Variants in LRMDA observed in about 807,000 individuals in gnomAD.
The protein encoded by LRMDA is leucine rich melanocyte differentiation associated, also known as leucine-rich melanocyte differentiation-associated protein.
LRMDA carries 18 observed loss-of-function variants against 29.8 expected under a neutral mutation model. That is an observed-to-expected ratio of 0.60 (90% CI 0.42 to 0.90). LRMDA has a LOEUF of 0.90. Among genes scored for constraint, LRMDA ranks in the 40% least tolerant of loss-of-function variants. The probability of loss-of-function intolerance (pLI) is 0.00; values close to 1 mark genes in which losing one functional copy is unlikely to be tolerated. For synonymous variants in LRMDA, 125 were observed against 109.4 expected (o/e 1.14, Z -0.89); for missense variants, 273 against 273.9 (o/e 1.00, Z 0.02).
chr10:76,042,342 G>A (rs1848354913), intron 3 of LRMDA, among the ~76,000 whole-genome samples: 1 of 152,180 alleles, frequency 6.6e-6, no homozygotes, highest in Non-Finnish European at 1.5e-5. Context: ...AAAGCAGGCA[G>A]GCTCTTAGAA....
At chr10:75,803,019 A>G (rs1321496957) in intron 2 of LRMDA, among the ~76,000 whole-genome samples, 3 of 132,034 alleles carry the variant, frequency 2.3e-5, no homozygotes, top group African/African-American at 8.8e-5. Context: ...TCTCTCTTTC[A>G]CTCTCTCCTT....
At chr10:75,618,520 T>C (rs1180079828) in intron 2 of LRMDA, among the ~76,000 whole-genome samples, 1 of 146,880 alleles carries the variant, frequency 6.8e-6, no homozygotes, top group African/African-American at 2.5e-5. Context: ...ATTATATATA[T>C]ATATATATAT....
Position 75,728,663 on chromosome 10 carries a change from A to G in LRMDA, c.131+290169A>G, listed in dbSNP as rs139792180. On this transcript the variant is annotated intron_variant, in intron 2 of 6. Coordinates refer to ENST00000611255, the MANE Select transcript of LRMDA (RefSeq NM_001305581.2). ...GAGACGGAGCACTGGGGAGGAGGCA[A>G]TGTGATGGGAACCATGAACTCGATC... Among the ~76,000 whole-genome samples the G allele has an allele frequency of 5.3e-3, 805 of 152,256 alleles. 8 individuals carry two copies. Among genetic ancestry groups the G allele is most frequent in the African/African-American group, 0.018 (760 of 41,562 alleles).
At chr10:76,358,532 C>T (rs930118757) in intron 6 of LRMDA, among the ~76,000 whole-genome samples, 1 of 152,132 alleles carries the variant, frequency 6.6e-6, no homozygotes, top group African/African-American at 2.4e-5. Flanking sequence ...TGGGAGAGAG[C>T]ATGGGCCTCC....
chr10:76,301,160 T>G (rs770140999), intron 5 of LRMDA, among the ~76,000 whole-genome samples: 109 of 152,352 alleles, frequency 7.2e-4, no homozygotes, highest in Non-Finnish European at 4.0e-4. Context: ...ATACAAAGTA[T>G]TTTTGAGGTC....
rs115010166 is a variant in LRMDA, at chr10:75,868,995, G to A, written c.132-167013G>A. 4.6e-3 allele frequency among the ~76,000 whole-genome samples: 707 copies of A among 152,312 alleles called. 10 individuals carry two copies. The highest frequency in any genetic ancestry group is 0.016 in the African/African-American group (678 of 41,566). ...GGCAAATAATGGAGGTCACAGGTAA[G>A]GCAAGCAGGATGTCTTCTGGCCAAG... On this transcript the variant is annotated intron_variant, in intron 2 of 6. Transcript: ENST00000611255.
intron 6 of LRMDA, among the ~76,000 whole-genome samples, chr10:76,424,421 C>G (rs550918574): frequency 2.0e-5 from 3 of 152,244 alleles, no homozygotes; most frequent in African/African-American, 7.2e-5. Context: ...CACCTGTAGT[C>G]CCAGCTACTT....
intron 6 of LRMDA, among the ~76,000 whole-genome samples, chr10:76,401,644 G>A (rs972951095): frequency 1.3e-5 from 2 of 152,090 alleles, no homozygotes; most frequent in African/African-American, 4.8e-5. Flanking sequence ...GTTGGGGTTG[G>A]GTACACATGC....
chr10:76,110,240 T>G (rs1186096099), intron 5 of LRMDA, among the ~76,000 whole-genome samples: 2 of 152,222 alleles, frequency 1.3e-5, no homozygotes, highest in Non-Finnish European at 2.9e-5. Context: ...TTCCACATTC[T>G]ACCTGCCACA....
At chr10:75,750,242 T>TG (rs1335848465) in intron 2 of LRMDA, among the ~76,000 whole-genome samples, 1 of 144,360 alleles carries the variant, frequency 6.9e-6, no homozygotes. Flanking sequence ...ACAGGGCGGC[T>TG]GCCGGGCGGG....
chr10:76,166,754 A>G (rs1187207503), intron 5 of LRMDA, among the ~76,000 whole-genome samples: 3 of 152,078 alleles, frequency 2.0e-5, no homozygotes, highest in African/African-American at 4.8e-5. Context: ...TGTCTTTGCT[A>G]TTGTGAATAG....
At position 76,271,304 on chromosome 10, in the gene LRMDA, A is replaced by C. The variant is rs1840065510; in HGVS notation, c.517-53097A>C. Reference sequence around the variant, plus strand: ...GCACCTGTAATCCCAGCTACTTGGGAGGCTGAGGTGGGAGGATCACTTGAG... The same window carrying C: ...GCACCTGTAATCCCAGCTACTTGGGCGGCTGAGGTGGGAGGATCACTTGAG... On this transcript the variant is annotated intron_variant, in intron 5 of 6. Coordinates refer to ENST00000611255, the MANE Select transcript of LRMDA (RefSeq NM_001305581.2). Among the ~76,000 whole-genome samples, 5 of 152,092 alleles carry C rather than the reference A, an allele frequency of 3.3e-5. No individual in the cohort carries two copies. The South Asian group carries it at 8.3e-4, about 25-fold the overall frequency.
chr10:75,811,180 G>T (rs1326822638), intron 2 of LRMDA, among the ~76,000 whole-genome samples: 2 of 152,100 alleles, frequency 1.3e-5, no homozygotes, highest in Non-Finnish European at 1.5e-5. Context: ...CTTGAAAGAG[G>T]TCCCAAGGCC....
At chr10:75,725,635 G>T (rs1299678015) in intron 2 of LRMDA, among the ~76,000 whole-genome samples, 1 of 152,330 alleles carries the variant, frequency 6.6e-6, no homozygotes, top group East Asian at 1.9e-4. Context: ...GCTTTCAGGG[G>T]AGGTAATGGC....
chr10:76,325,759 A>T (rs558817615), intron 6 of LRMDA, among the ~76,000 whole-genome samples: 3 of 152,344 alleles, frequency 2.0e-5, no homozygotes, highest in Non-Finnish European at 4.4e-5. Context: ...TGTAAAGTTT[A>T]TCTGGCCCTG....
At chr10:76,384,638 C>T (rs1841638548) in intron 6 of LRMDA, among the ~76,000 whole-genome samples, 1 of 152,138 alleles carries the variant, frequency 6.6e-6, no homozygotes, top group Non-Finnish European at 1.5e-5. Flanking sequence ...ACTTTCCGTC[C>T]CAGGAAGGTT....
chr10:75,687,376 G>C lies in LRMDA; in HGVS notation c.131+248882G>C, dbSNP rs1842096133. 3.3e-5 allele frequency among the ~76,000 whole-genome samples: 5 copies of C among 152,274 alleles called. No individual in the cohort carries two copies. The South Asian group carries it at 1.0e-3, about 32-fold the overall frequency. ...GAAACAGCCTTATTGGTGATATGAA[G>C]AAAGTTTTTGTGGTCTAGGTAGAAG... On this transcript the variant is annotated intron_variant, in intron 2 of 6. Coordinates refer to ENST00000611255, the MANE Select transcript of LRMDA (RefSeq NM_001305581.2).
chr10:76,432,973 G>A (rs574466789), intron 6 of LRMDA, among the ~76,000 whole-genome samples: 2 of 152,316 alleles, frequency 1.3e-5, no homozygotes, highest in Admixed American at 1.3e-4. Flanking sequence ...CAGAGGCCCA[G>A]GAAGAAGGAC....
intron 2 of LRMDA, among the ~76,000 whole-genome samples, chr10:75,539,828 T>C (rs929676234): frequency 8.6e-5 from 13 of 151,680 alleles, no homozygotes; most frequent in African/African-American, 3.2e-4. Context: ...TACATTTGCA[T>C]TCACTCCCTA....
Sources: allele counts gnomAD v4.1 joint callset (sites outside exome capture counted in the v4.1 genomes callset), GRCh38; gene constraint gnomAD v4.1.1; transcripts MANE v1.5; gene names NCBI Gene and HGNC (gene_info 2026-07-23, HGNC 2026-07-21).